STXBP4: variants seen among roughly 807,000 people sequenced by gnomAD.
STXBP4 encodes syntaxin binding protein 4, also known as syntaxin-binding protein 4.
In STXBP4, 55 loss-of-function variants were observed where a neutral mutation model predicts 76.1. That is an observed-to-expected ratio of 0.72 (90% CI 0.58 to 0.91). The LOEUF is 0.91. STXBP4 is among the 40% of genes least tolerant of loss of function. The pLI, the probability that STXBP4 is intolerant of heterozygous loss-of-function variation, is 0.00. For missense variants in STXBP4, 618 were observed against 636.9 expected, an observed-to-expected ratio of 0.97 and a Z score of 0.32; for synonymous variants, 201 against 220.2, an observed-to-expected ratio of 0.91 and a Z score of 0.77.
At chr17:55,208,913 C>G in the STXBP4 span, among the ~76,000 whole-genome samples, 14 of 149,894 alleles carry the variant, frequency 9.3e-5, no homozygotes, top group African/African-American at 3.4e-4. Flanking sequence ...AAAACTCTGT[C>G]TCTACAGAAA....
chr17:55,061,232 AT>A, intron 12 of STXBP4, among the ~76,000 whole-genome samples: 1 of 152,320 alleles, frequency 6.6e-6, no homozygotes, highest in East Asian at 1.9e-4. Flanking sequence ...AACAAATTAA[AT>A]GTGTCTTTAA....
chr17:54,994,529 C>T (rs2077768336), intron 4 of STXBP4, among the ~76,000 whole-genome samples: 1 of 152,146 alleles, frequency 6.6e-6, no homozygotes, highest in Non-Finnish European at 1.5e-5. Context: ...ATACCATTGA[C>T]TTTTTTACTC....
At chr17:55,190,362 C>T in the STXBP4 span, among the ~76,000 whole-genome samples, 2 of 152,130 alleles carry the variant, frequency 1.3e-5, no homozygotes, top group African/African-American at 4.8e-5. Context: ...CTCATGTATA[C>T]TGTCAAGGAT....
chr17:55,018,354 G>C, intron 8 of STXBP4, among the ~76,000 whole-genome samples: 1 of 152,196 alleles, frequency 6.6e-6, no homozygotes, highest in Non-Finnish European at 1.5e-5. Context: ...GCGGGTCTGC[G>C]ATGGCAGCAA....
At chr17:54,969,262 A>C (rs1174007641) in intron 1 of STXBP4, among the ~76,000 whole-genome samples, 2 of 152,158 alleles carry the variant, frequency 1.3e-5, no homozygotes, top group African/African-American at 4.8e-5. Context: ...GGAGAGAGTG[A>C]CCAGGATAGG....
At chr17:55,001,559 ATTATAT>A (rs996570713) in intron 7 of STXBP4, among the ~76,000 whole-genome samples, 152 of 152,328 alleles carry the variant, frequency 1.0e-3, no homozygotes, top group African/African-American at 3.6e-3. Context: ...TGAAAAACTA[ATTATAT>A]ATGCCTAATT....
chr17:55,022,436 C>G (rs1323039467), intron 8 of STXBP4, among the ~76,000 whole-genome samples: 1 of 152,008 alleles, frequency 6.6e-6, no homozygotes, highest in Non-Finnish European at 1.5e-5. Flanking sequence ...TATTTTTACT[C>G]AACAAATATT....
rs1242347366 is a variant in STXBP4, at chr17:55,143,073, G to C, written c.1547+1706G>C. ...ATATTAACTTTATAAAGGAAAAGAT[G>C]AGGGCATGAGCATTTACTGAGCACT... On this transcript the variant is annotated intron_variant, in intron 17 of 17. Coordinates refer to ENST00000376352, the MANE Select transcript of STXBP4 (RefSeq NM_178509.6). 3.3e-5 allele frequency among the ~76,000 whole-genome samples: 5 copies of C among 152,316 alleles called. 1 individual carries two copies. In the South Asian group the frequency reaches 1.0e-3, roughly 32 times the overall value.
At chr17:55,133,218 G>A (rs923968735) in intron 16 of STXBP4, among the ~76,000 whole-genome samples, 1 of 152,056 alleles carries the variant, frequency 6.6e-6, no homozygotes, top group African/African-American at 2.4e-5. Flanking sequence ...TGAAGACAAA[G>A]CCACCAAGAT....
At chr17:54,989,502 A>G (rs900327265) in intron 3 of STXBP4, among the ~76,000 whole-genome samples, 2 of 152,188 alleles carry the variant, frequency 1.3e-5, no homozygotes, top group Admixed American at 1.3e-4. Flanking sequence ...AGTAGATTAC[A>G]TATCACATTT....
chr17:55,175,524 T>C (rs189183506), downstream of STXBP4, among the ~76,000 whole-genome samples: 3 of 152,260 alleles, frequency 2.0e-5, no homozygotes, highest in South Asian at 6.2e-4. Flanking sequence ...CTGCAGGAAA[T>C]AGGATCCATC....
At chr17:55,029,522 A>G (rs1205683203) in intron 8 of STXBP4, among the ~76,000 whole-genome samples, 1 of 151,654 alleles carries the variant, frequency 6.6e-6, no homozygotes, top group African/African-American at 2.4e-5. Context: ...TATATTTGAA[A>G]CATTTTTATA....
At chr17:55,135,355 A>G (rs2080017739) in intron 16 of STXBP4, among the ~76,000 whole-genome samples, 1 of 152,136 alleles carries the variant, frequency 6.6e-6, no homozygotes, top group South Asian at 2.1e-4. Flanking sequence ...ATATGTATAT[A>G]TGTCATTTGC....
the STXBP4 span, among the ~76,000 whole-genome samples, chr17:55,196,520 T>C: frequency 6.6e-6 from 1 of 152,262 alleles, no homozygotes; most frequent in Non-Finnish European, 1.5e-5. Flanking sequence ...TTTTTATGTA[T>C]TCCCTTACTC....
intron 12 of STXBP4, among the ~76,000 whole-genome samples, chr17:55,072,627 A>G (rs2079134750): frequency 6.6e-6 from 1 of 152,070 alleles, no homozygotes; most frequent in African/African-American, 2.4e-5. Flanking sequence ...TTCCATTTTC[A>G]ACTATCTTCT....
At chr17:55,137,285 C>T (rs1200507340) in intron 16 of STXBP4, among the ~76,000 whole-genome samples, 2 of 145,456 alleles carry the variant, frequency 1.4e-5, no homozygotes, top group Non-Finnish European at 3.0e-5. Context: ...CCCTCCCTCC[C>T]TCCCTCCCTC....
intron 17 of STXBP4, among the ~76,000 whole-genome samples, chr17:55,142,763 T>G (rs368980563): frequency 8.5e-5 from 13 of 152,348 alleles, no homozygotes; most frequent in East Asian, 7.7e-4. Flanking sequence ...ATTTTTTTCT[T>G]GCAATCTCTA....
the STXBP4 span, among the ~76,000 whole-genome samples, chr17:55,179,206 T>C: frequency 6.6e-6 from 1 of 152,146 alleles, no homozygotes; most frequent in Non-Finnish European, 1.5e-5. Flanking sequence ...ATTTAATTCA[T>C]GGCAAGAGTT....
At chr17:54,989,696 T>G (rs920313967) in intron 3 of STXBP4, among the ~76,000 whole-genome samples, 1 of 152,372 alleles carries the variant, frequency 6.6e-6, no homozygotes, top group African/African-American at 2.4e-5. Context: ...GCCCTAAATC[T>G]TATTTCAAAC....
Sources: gnomAD v4.1 joint callset for allele counts (sites outside exome capture counted in the v4.1 genomes callset) on GRCh38, gnomAD v4.1.1 for gene constraint, MANE v1.5 for transcripts, NCBI Gene and HGNC (gene_info 2026-07-23, HGNC 2026-07-21) for gene names.